CDNF: variants seen among roughly 807,000 people sequenced by gnomAD.
CDNF encodes ARMET-like protein 1.
A neutral mutation model predicts 14.8 loss-of-function variants in CDNF; 9 were observed. The ratio of observed to expected loss-of-function variants is 0.61; its 90% CI spans 0.37 to 1.06. The LOEUF is 1.06. Among genes scored for constraint, CDNF ranks in the 50% least tolerant of loss-of-function variants. The probability of loss-of-function intolerance (pLI) is 0.01; values close to 1 mark genes in which losing one functional copy is unlikely to be tolerated. For missense variants in CDNF, 228 were observed against 228.4 expected, an observed-to-expected ratio of 1.00 and a Z score of 0.01; for synonymous variants, 86 against 87.2, an observed-to-expected ratio of 0.99 and a Z score of 0.07.
chr10:14,826,095 A>AAGAAGAAGAAGCAGCAGCAGC (rs1426555042), intron 2 of CDNF, among the ~76,000 whole-genome samples: 2 of 87,542 alleles, frequency 2.3e-5, no homozygotes, highest in Admixed American at 1.1e-4. Context: ...GAAGAAGAAG[A>AAGAAGAAGAAGCAGCAGCAGC]AGCAGCAGCA....
chr10:14,822,496 A>G (rs976406397), intron 3 of CDNF, among the ~76,000 whole-genome samples: 1 of 152,040 alleles, frequency 6.6e-6, no homozygotes, highest in African/African-American at 2.4e-5. Context: ...GAATCTCTTG[A>G]ACCCAGGAGG....
chr10:14,828,921 A>T (rs1260266701), intron 1 of CDNF, among the ~76,000 whole-genome samples: 1 of 152,086 alleles, frequency 6.6e-6, no homozygotes, highest in Non-Finnish European at 1.5e-5. Flanking sequence ...GCTACTCGAG[A>T]GGCTGAGGTG....
chr10:14,828,259 G>T lies in CDNF; in HGVS notation c.129C>A (p.Phe43Leu). 1.2e-6 allele frequency: 2 copies of T among 1,613,780 alleles called. No individual in the cohort carries two copies. The highest frequency in any genetic ancestry group is 1.7e-6 in the Non-Finnish European group (2 of 1,179,780). Residue 43 changes from phenylalanine (F) to leucine (L), a missense_variant, in exon 2 of 4, where the codon TTC (phenylalanine) becomes TTA (leucine). Phe to Leu is a conservative substitution (Grantham distance 22). Coordinates refer to ENST00000465530, the MANE Select transcript of CDNF (RefSeq NM_001029954.3). ...PGADCEVCKE[F>L]LNRFYKSLID... Reference sequence around the variant, plus strand: ...TCAGTGACTTGTAGAATCGGTTCAAGAATTCTTTACATACTGGAAGGAACA... The same window carrying T: ...TCAGTGACTTGTAGAATCGGTTCAATAATTCTTTACATACTGGAAGGAACA...
chr10:14,826,029 G>GAAGGAGA (rs1833779022), intron 2 of CDNF, among the ~76,000 whole-genome samples: 6 of 86,208 alleles, frequency 7.0e-5, no homozygotes, highest in South Asian at 5.4e-4. Context: ...GAAGAAGAAG[G>GAAGGAGA]AGAAGAAGAA....
chr10:14,821,577 C>CT (rs1390735271), intron 3 of CDNF, among the ~76,000 whole-genome samples: 1 of 152,158 alleles, frequency 6.6e-6, no homozygotes, highest in African/African-American at 2.4e-5. Flanking sequence ...ATTTTAGTGT[C>CT]TGAGTATGGT....
chr10:14,820,924 C>G (rs1211597338), intron 3 of CDNF, among the ~76,000 whole-genome samples: 1 of 151,706 alleles, frequency 6.6e-6, no homozygotes, highest in Non-Finnish European at 1.5e-5. Flanking sequence ...CATGAGGGAT[C>G]TGGTTGTTTC....
At chr10:14,822,712 CT>C (rs1310730410) in intron 3 of CDNF, among the ~76,000 whole-genome samples, 1 of 152,166 alleles carries the variant, frequency 6.6e-6, no homozygotes, top group Non-Finnish European at 1.5e-5. Context: ...AAAGTTCTTT[CT>C]CTTTTTTACC....
intron 3 of CDNF, among the ~76,000 whole-genome samples, chr10:14,822,422 A>G (rs1388385613): frequency 2.0e-5 from 3 of 152,150 alleles, no homozygotes; most frequent in African/African-American, 7.2e-5. Context: ...CTTTCAAAAG[A>G]AAGTCTAGAG....
intron 1 of CDNF, among the ~76,000 whole-genome samples, chr10:14,831,724 G>A (rs927033339): frequency 6.6e-6 from 1 of 151,884 alleles, no homozygotes. Context: ...AATGGCGTGT[G>A]CCACCACACC....
intron 3 of CDNF, among the ~76,000 whole-genome samples, chr10:14,821,840 T>C (rs1165541822): frequency 6.6e-6 from 1 of 152,198 alleles, no homozygotes; most frequent in Non-Finnish European, 1.5e-5. Flanking sequence ...AGGCAATCGG[T>C]TCCTTTGGGA....
chr10:14,837,962 TC>T lies in CDNF; in HGVS notation c.-17del. On this transcript the variant is annotated 5_prime_UTR_variant, in exon 1 of 4. Transcript: ENST00000465530. ...CGCACCACATGCTGGGCCAGCAGCT[TC>T]AATCGCCTCCGCCACCCGCGCCCAC... The T allele has an allele frequency of 6.4e-7, 1 of 1,562,892 alleles. No individual in the cohort carries two copies. The highest frequency in any genetic ancestry group is 8.7e-7 in the Non-Finnish European group (1 of 1,153,066).
At chr10:14,835,848 A>T (rs1246747909) in intron 1 of CDNF, among the ~76,000 whole-genome samples, 1 of 152,240 alleles carries the variant, frequency 6.6e-6, no homozygotes, top group Non-Finnish European at 1.5e-5. Context: ...TCGGGGGCAG[A>T]GTAGGGGCGG....
chr10:14,820,860 T>C (rs774431114), intron 3 of CDNF, among the ~76,000 whole-genome samples: 2 of 152,144 alleles, frequency 1.3e-5, no homozygotes, highest in African/African-American at 4.8e-5. Context: ...TGGAAGGTGA[T>C]TGGATCATGG....
chr10:14,827,052 C>CAAAAAAAA (rs34308438), intron 2 of CDNF, among the ~76,000 whole-genome samples: 3 of 74,666 alleles, frequency 4.0e-5, no homozygotes, highest in Admixed American at 1.7e-4. Flanking sequence ...CCCGTCTCTA[C>CAAAAAAAA]AAAAAAAAAA....
At chr10:14,831,811 T>TGATC (rs1440323295) in intron 1 of CDNF, among the ~76,000 whole-genome samples, 1 of 152,188 alleles carries the variant, frequency 6.6e-6, no homozygotes, top group African/African-American at 2.4e-5. Flanking sequence ...CCTCACCTGG[T>TGATC]GATCTGCCCA....
intron 1 of CDNF, among the ~76,000 whole-genome samples, chr10:14,836,784 TAGTC>T (rs1189194533): frequency 3.3e-5 from 5 of 151,926 alleles, no homozygotes; most frequent in African/African-American, 9.7e-5. Context: ...ATATAAAAAT[TAGTC>T]AGGCGTGGTG....
chr10:14,822,441 G>C (rs922076949), intron 3 of CDNF, among the ~76,000 whole-genome samples: 50 of 151,938 alleles, frequency 3.3e-4, no homozygotes, highest in African/African-American at 1.2e-3. Context: ...AGGGGCATGG[G>C]GGCACACACC....
In CDNF at chr10:14,828,131, G is replaced by A; in HGVS notation, c.243+14C>T. 6.2e-7 allele frequency: 1 copy of A among 1,612,540 alleles called. No homozygotes were observed. The highest frequency in any genetic ancestry group is 8.5e-7 in the Non-Finnish European group (1 of 1,179,408). On this transcript the variant is annotated intron_variant, in intron 2 of 3. Coordinates refer to ENST00000465530, the MANE Select transcript of CDNF (RefSeq NM_001029954.3). Reference sequence around the variant, plus strand: ...CAAGCACATGGGGAAAATGAAAGGTGAAATTTACTATACCAGGCGGTTTTC... The same window carrying A: ...CAAGCACATGGGGAAAATGAAAGGTAAAATTTACTATACCAGGCGGTTTTC...
chr10:14,837,135 G>C (rs1248218625), intron 1 of CDNF, among the ~76,000 whole-genome samples: 1 of 152,158 alleles, frequency 6.6e-6, no homozygotes, highest in South Asian at 2.1e-4. Context: ...CCAGAAGGAA[G>C]GGGCTAGCAT....
Sources: gnomAD v4.1 joint callset for allele counts (sites outside exome capture counted in the v4.1 genomes callset) on GRCh38, gnomAD v4.1.1 for gene constraint, MANE v1.5 for transcripts, NCBI Gene and HGNC (gene_info 2026-07-23, HGNC 2026-07-21) for gene names.